The following LPP variants were observed in gnomAD, a reference collection of about 807,000 sequenced individuals.
The protein encoded by LPP is lipoma-preferred partner.
In LPP, 38 loss-of-function variants were observed where a neutral mutation model predicts 60.4. The ratio of observed to expected loss-of-function variants is 0.63; its 90% CI spans 0.49 to 0.83. The LOEUF (loss-of-function observed/expected upper bound fraction) is 0.83. LPP is among the 40% of genes least tolerant of loss of function. The pLI, the probability that LPP is intolerant of heterozygous loss-of-function variation, is 0.00. For synonymous variants in LPP, 328 were observed against 290.8 expected (o/e 1.13, Z -1.30); for missense variants, 902 against 783.6 (o/e 1.15, Z -1.80).
chr3:188,281,860 T>C (rs1450575801), intron 2 of LPP, among the ~76,000 whole-genome samples: 1 of 152,218 alleles, frequency 6.6e-6, no homozygotes, highest in African/African-American at 2.4e-5. Flanking sequence ...TTAAATTCTT[T>C]GTTCTTTCAT....
chr3:188,575,397 T>C (rs1428513570), intron 6 of LPP, among the ~76,000 whole-genome samples: 1 of 152,192 alleles, frequency 6.6e-6, no homozygotes, highest in Non-Finnish European at 1.5e-5. Flanking sequence ...CAAATTAATG[T>C]TTAAGTTCTC....
At chr3:188,856,246 G>A (rs1395912659) in intron 9 of LPP, among the ~76,000 whole-genome samples, 2 of 152,148 alleles carry the variant, frequency 1.3e-5, no homozygotes, top group Non-Finnish European at 2.9e-5. Context: ...CACTTGATAG[G>A]CATTCCAGGT....
At chr3:188,223,442 C>T (rs1402115346) in intron 1 of LPP, among the ~76,000 whole-genome samples, 3 of 152,130 alleles carry the variant, frequency 2.0e-5, no homozygotes, top group African/African-American at 7.2e-5. Flanking sequence ...ATTTAAATTG[C>T]GTTTGAACTC....
At chr3:188,425,191 T>C (rs1788958829) in intron 4 of LPP, among the ~76,000 whole-genome samples, 1 of 152,238 alleles carries the variant, frequency 6.6e-6, no homozygotes, top group African/African-American at 2.4e-5. Context: ...TTTCTGCATC[T>C]ATTGAGATAA....
intron 1 of LPP, among the ~76,000 whole-genome samples, chr3:188,196,843 G>A (rs571986921): frequency 6.6e-6 from 1 of 152,078 alleles, no homozygotes; most frequent in Non-Finnish European, 1.5e-5. Flanking sequence ...TGTAGCTCCC[G>A]TGACCTCACA....
chr3:188,693,234 C>T (rs1319029239), intron 7 of LPP, among the ~76,000 whole-genome samples: 4 of 152,116 alleles, frequency 2.6e-5, no homozygotes, highest in African/African-American at 9.7e-5. Context: ...AATCCTAGCT[C>T]CTTCTCATAT....
intron 2 of LPP, among the ~76,000 whole-genome samples, chr3:188,266,647 G>A (rs1166099907): frequency 6.6e-6 from 1 of 152,102 alleles, no homozygotes; most frequent in African/African-American, 2.4e-5. Context: ...AGATTTCTTT[G>A]TGTTTATTTA....
At chr3:188,363,919 A>G (rs1019739294) in intron 3 of LPP, among the ~76,000 whole-genome samples, 8 of 151,698 alleles carry the variant, frequency 5.3e-5, no homozygotes, top group African/African-American at 1.9e-4. Flanking sequence ...AAAAAAAAAA[A>G]AAAAAAAAAT....
At chr3:188,722,432 T>C (rs1716806946) in intron 8 of LPP, among the ~76,000 whole-genome samples, 1 of 152,198 alleles carries the variant, frequency 6.6e-6, no homozygotes, top group Admixed American at 6.5e-5. Flanking sequence ...ATTCATCTTT[T>C]GTCAGATAGC....
intron 4 of LPP, among the ~76,000 whole-genome samples, chr3:188,468,317 A>C (rs1048235806): frequency 6.6e-6 from 1 of 152,190 alleles, no homozygotes; most frequent in Non-Finnish European, 1.5e-5. Flanking sequence ...TTTAGGTTTT[A>C]TAGGCCATAT....
At chr3:188,806,834 C>T (rs1445321666) in intron 9 of LPP, among the ~76,000 whole-genome samples, 3 of 151,842 alleles carry the variant, frequency 2.0e-5, no homozygotes, top group Non-Finnish European at 2.9e-5. Context: ...ACCATCTTTT[C>T]GTGTTCTTGT....
At chr3:188,542,915 T>A (rs1426260) in intron 6 of LPP, among the ~76,000 whole-genome samples, 13 of 151,874 alleles carry the variant, frequency 8.6e-5, no homozygotes, top group Admixed American at 3.3e-4. Context: ...GTGTTCTCAG[T>A]GTTAAAAGGA....
rs944857189 is a variant in LPP, at chr3:188,876,510, A to G, written c.*2031A>G. On this transcript the variant is annotated 3_prime_UTR_variant, in exon 12 of 12. Transcript: ENST00000617246. Reference sequence around the variant, plus strand: ...GGCAGCATGTTAGTTTTGGGAGGCAATGTCAACTGTGTCTCTGAATTCCTG... The same window carrying G: ...GGCAGCATGTTAGTTTTGGGAGGCAGTGTCAACTGTGTCTCTGAATTCCTG... 4.4e-5 allele frequency: 9 copies of G among 204,170 alleles called. No homozygotes were observed. Among genetic ancestry groups the G allele is most frequent in the African/African-American group, 1.6e-4 (7 of 43,654 alleles). 12.6% of individuals were successfully genotyped at this position (204,170 alleles called of 1,614,324 possible). A position where few individuals can be genotyped will look rare whatever the true frequency, so the allele number is the denominator to read the frequency against.
intron 2 of LPP, among the ~76,000 whole-genome samples, chr3:188,330,864 TAA>T (rs1310764124): frequency 2.1e-3 from 4 of 1,938 alleles, no homozygotes; most frequent in African/African-American, 3.8e-3. Context: ...AGTAAGTAAA[TAA>T]ATAAATAAAT....
chr3:188,708,149 C>T (rs1865850224), intron 7 of LPP, 118 bp from the exon 8 acceptor site: 2 of 1,134,214 alleles, frequency 1.8e-6, no homozygotes. Context: ...ACCCAGGTCT[C>T]CTGACAGCCA....
chr3:188,804,403 A>T (rs897189332), intron 9 of LPP, among the ~76,000 whole-genome samples: 1 of 150,892 alleles, frequency 6.6e-6, no homozygotes, highest in African/African-American at 2.4e-5. Flanking sequence ...CAAATACTGC[A>T]TGTGGTCACT....
rs139958465 is a variant in LPP at position 188,866,362 on chromosome 3, A to C, written c.1573A>C (p.Ile525Leu). The C allele has an allele frequency of 6.6e-7, 1 of 1,504,126 alleles. No homozygotes were observed. Among genetic ancestry groups the C allele is most frequent in the African/African-American group, 1.4e-5 (1 of 70,902 alleles). The allele number at this position is 1,504,126 out of a possible 1,614,324, so 93.2% of individuals were successfully genotyped here. ...GGATGCTGGCGGGCTCATTCACTGC[A>C]TTGAGGACTTCCACAAGTAGGCAAC... ...TVDAGGLIHCIEDFHKKFAPR... is the reference protein window; with the variant it reads ...TVDAGGLIHCLEDFHKKFAPR... The change falls in exon 10 of 12, where the codon ATT (isoleucine) becomes CTT (leucine). Residue 525 changes from isoleucine to leucine, a missense_variant. By Grantham distance (5) the Ile-to-Leu change is conservative (BLOSUM62 2). Coordinates refer to ENST00000617246, the MANE Select transcript of LPP (RefSeq NM_001375462.1).
chr3:188,214,508 A>G (rs1262217600), intron 1 of LPP, among the ~76,000 whole-genome samples: 1 of 151,928 alleles, frequency 6.6e-6, no homozygotes, highest in Admixed American at 6.6e-5. Context: ...TTTTATTACC[A>G]GTGGCATTAG....
intron 6 of LPP, among the ~76,000 whole-genome samples, chr3:188,575,082 T>A (rs1241892853): frequency 6.6e-6 from 1 of 152,104 alleles, no homozygotes. Flanking sequence ...CCTGAAAAGC[T>A]GTGGCTCTCC....
Sources: gnomAD v4.1 joint callset for allele counts (sites outside exome capture counted in the v4.1 genomes callset) on GRCh38, gnomAD v4.1.1 for gene constraint, MANE v1.5 for transcripts, NCBI Gene and HGNC (gene_info 2026-07-23, HGNC 2026-07-21) for gene names.